Variants in WARS2 observed in about 807,000 individuals in gnomAD.
The protein encoded by WARS2 is tryptophanyl tRNA synthetase 2, mitochondrial, also known as tryptophan--tRNA ligase, mitochondrial.
Under a neutral mutation model 36.5 loss-of-function variants are expected in WARS2, and 28 were observed. The ratio of observed to expected loss-of-function variants is 0.77; its 90% CI spans 0.57 to 1.05. The LOEUF (loss-of-function observed/expected upper bound fraction) is 1.05, where lower values mean the gene tolerates loss of function less well. Among genes scored for constraint, WARS2 ranks in the 50% least tolerant of loss-of-function variants. The pLI is 0.00. For missense variants in WARS2, 435 were observed against 456.8 expected (o/e 0.95, Z 0.44); for synonymous variants, 174 against 178.4 (o/e 0.98, Z 0.20).
intron 2 of WARS2, among the ~76,000 whole-genome samples, chr1:119,073,316 G>A (rs1353594593): frequency 6.6e-6 from 1 of 152,094 alleles, no homozygotes; most frequent in Non-Finnish European, 1.5e-5. Context: ...AAGAAAGCCT[G>A]ATAAAATATC....
chr1:119,138,497 G>T (rs1453737875), intron 1 of WARS2, among the ~76,000 whole-genome samples: 2 of 152,056 alleles, frequency 1.3e-5, no homozygotes, highest in Admixed American at 1.3e-4. Context: ...AATATGTAAT[G>T]CTATAAAAGG....
intron 1 of WARS2, among the ~76,000 whole-genome samples, chr1:119,112,937 T>G (rs1654741304): frequency 6.6e-6 from 1 of 152,128 alleles, no homozygotes; most frequent in Non-Finnish European, 1.5e-5. Context: ...TGAGAGTATT[T>G]GTAAGGCAGT....
intron 2 of WARS2, among the ~76,000 whole-genome samples, chr1:119,058,108 T>C (rs182367457): frequency 6.6e-6 from 1 of 152,134 alleles, no homozygotes; most frequent in Non-Finnish European, 1.5e-5. Context: ...TTTAAGTCTG[T>C]GGTGGTTTTA....
At chr1:119,051,794 G>T (rs1649384801) in intron 2 of WARS2, among the ~76,000 whole-genome samples, 1 of 133,154 alleles carries the variant, frequency 7.5e-6, no homozygotes, top group Non-Finnish European at 1.6e-5. Flanking sequence ...TTGAGACAAG[G>T]TCTCACTCTG....
rs1353899043 is a variant in WARS2, at chr1:119,032,044, C to G, written c.*867G>C. ...TTTTTTTGTACTGAATAAACAAGCA[C>G]TATTCTTAAGAATAAGGGGTAAGGG... On this transcript the variant is annotated 3_prime_UTR_variant, in exon 6 of 6. Transcript: ENST00000235521. 2.6e-5 allele frequency: 4 copies of G among 153,812 alleles called. No individual in the cohort carries two copies. The highest frequency in any genetic ancestry group is 2.9e-5 in the Non-Finnish European group (2 of 69,482). The allele number at this position is 153,812 out of a possible 1,614,324, so 9.5% of individuals were successfully genotyped here.
chr1:119,084,331 TA>T (rs1652452329), intron 1 of WARS2, among the ~76,000 whole-genome samples: 1 of 152,072 alleles, frequency 6.6e-6, no homozygotes, highest in South Asian at 2.1e-4. Flanking sequence ...TTTGGGATGA[TA>T]AAAAATGTTT....
chr1:119,033,500 C>G, intron 5 of WARS2, 141 bp from the exon 6 acceptor site: 1 of 1,025,238 alleles, frequency 9.8e-7, no homozygotes, highest in Non-Finnish European at 1.4e-6. Flanking sequence ...AATGTGATAT[C>G]CATTCAGTAG....
intron 1 of WARS2, among the ~76,000 whole-genome samples, chr1:119,079,641 G>A (rs1380756972): frequency 6.6e-6 from 1 of 152,084 alleles, no homozygotes; most frequent in Non-Finnish European, 1.5e-5. Context: ...TGAGTGCCAA[G>A]GTTACTTAAA....
chr1:119,085,330 C>T, intron 1 of WARS2: 1 of 1,310,980 alleles, frequency 7.6e-7, no homozygotes. Context: ...GACTTCTGAG[C>T]TCTCTCCTAG....
rs1029938746 is a variant in WARS2, at chr1:119,045,746, A to C, written c.349-84T>G. ...GAACTAAGTAGTAAGTATTACCCTA[A>C]ATGTCTGAAAATACCCCAAATTAAG... is the stretch of plus-strand genomic sequence containing the variant. On this transcript the variant is annotated intron_variant, in intron 2 of 5. Coordinates refer to ENST00000235521, the MANE Select transcript of WARS2 (RefSeq NM_015836.4). 4.3e-5 allele frequency: 46 copies of C among 1,062,490 alleles called. No homozygotes were observed. The Middle Eastern group carries it at 8.7e-4, about 20-fold the overall frequency. 65.8% of individuals were successfully genotyped at this position (1,062,490 alleles called of 1,614,324 possible). A position where few individuals can be genotyped will look rare whatever the true frequency, so the allele number is the denominator to read the frequency against.
chr1:119,125,571 T>C (rs796314383), intron 1 of WARS2, among the ~76,000 whole-genome samples: 11 of 152,322 alleles, frequency 7.2e-5, no homozygotes, highest in African/African-American at 2.6e-4. Flanking sequence ...GAATTAGAGA[T>C]GAGGACAGAA....
chr1:119,097,509 T>C (rs1653526828), intron 1 of WARS2, among the ~76,000 whole-genome samples: 1 of 152,210 alleles, frequency 6.6e-6, no homozygotes, highest in Admixed American at 6.5e-5. Context: ...ATCCCTTTCT[T>C]GACCTAACAA....
intron 1 of WARS2, among the ~76,000 whole-genome samples, chr1:119,089,489 G>T (rs1037484747): frequency 6.6e-6 from 1 of 152,174 alleles, no homozygotes; most frequent in Non-Finnish European, 1.5e-5. Context: ...TCAAGACTTT[G>T]CCCAGTTACT....
chr1:119,116,191 A>C (rs943333898), intron 1 of WARS2, among the ~76,000 whole-genome samples: 1 of 152,226 alleles, frequency 6.6e-6, no homozygotes, highest in Non-Finnish European at 1.5e-5. Context: ...GGTATACAGC[A>C]TAAGACCAGC....
chr1:119,082,175 CCTT>C (rs935326748), intron 1 of WARS2, among the ~76,000 whole-genome samples: 3 of 152,000 alleles, frequency 2.0e-5, no homozygotes, highest in African/African-American at 7.3e-5. Flanking sequence ...ACTGTGAGCT[CCTT>C]AAGGGCATAA....
intron 3 of WARS2, 103 bp downstream of exon 3, chr1:119,045,479 G>T: frequency 1.1e-6 from 1 of 931,416 alleles, no homozygotes; most frequent in Non-Finnish European, 1.7e-6. Context: ...AACCATTAGT[G>T]AGTGGCAGAC....
chr1:119,137,688 G>A (rs1656608654), intron 1 of WARS2, among the ~76,000 whole-genome samples: 1 of 152,162 alleles, frequency 6.6e-6, no homozygotes, highest in Non-Finnish European at 1.5e-5. Flanking sequence ...CTGACTTTAT[G>A]ACTACGCTCA....
intron 1 of WARS2, among the ~76,000 whole-genome samples, chr1:119,113,308 T>G (rs1227246868): frequency 6.6e-6 from 1 of 152,162 alleles, no homozygotes; most frequent in Non-Finnish European, 1.5e-5. Flanking sequence ...GTCTTTTAGT[T>G]GCCCCCTGTA....
At chr1:119,057,688 GCT>G (rs1465873296) in intron 2 of WARS2, among the ~76,000 whole-genome samples, 23 of 151,846 alleles carry the variant, frequency 1.5e-4, no homozygotes, top group Admixed American at 1.1e-3. Context: ...TACTCTAGAG[GCT>G]GAGGCAGGAG....
Sources: allele counts gnomAD v4.1 joint callset (sites outside exome capture counted in the v4.1 genomes callset), GRCh38; gene constraint gnomAD v4.1.1; transcripts MANE v1.5; gene names NCBI Gene and HGNC (gene_info 2026-07-23, HGNC 2026-07-21).